The following RIMBP2 variants were observed in gnomAD, a reference collection of about 807,000 sequenced individuals.
RIMBP2 encodes RIMS-binding protein 2.
A neutral mutation model predicts 118.6 loss-of-function variants in RIMBP2; 48 were observed. The ratio of observed to expected loss-of-function variants is 0.40; its 90% confidence interval spans 0.32 to 0.51. The LOEUF (loss-of-function observed/expected upper bound fraction) is 0.51, where lower values mean the gene tolerates loss of function less well. RIMBP2 is among the 20% of genes least tolerant of loss of function. The probability of loss-of-function intolerance (pLI) is 0.41; values close to 1 mark genes in which losing one functional copy is unlikely to be tolerated. For synonymous variants in RIMBP2, 762 were observed against 742.9 expected (o/e 1.03, Z -0.42); for missense variants, 1,551 against 1,768.3 (o/e 0.88, Z 2.20).
At chr12:130,607,095 G>A (rs1201169792) in intron 2 of RIMBP2, among the ~76,000 whole-genome samples, 1 of 152,134 alleles carries the variant, frequency 6.6e-6, no homozygotes, top group African/African-American at 2.4e-5. Context: ...CTCCCAAAGT[G>A]CTGGGATTAC....
At chr12:130,679,446 T>C (rs1255371160) in intron 1 of RIMBP2, among the ~76,000 whole-genome samples, 1 of 152,240 alleles carries the variant, frequency 6.6e-6, no homozygotes, top group East Asian at 1.9e-4. Flanking sequence ...AATCGCCTTT[T>C]TAAACATCCA....
chr12:130,607,141 C>A (rs1382674673), intron 2 of RIMBP2, among the ~76,000 whole-genome samples: 1 of 152,126 alleles, frequency 6.6e-6, no homozygotes, highest in Admixed American at 6.5e-5. Flanking sequence ...AGTTCAAATT[C>A]TTTAAACACA....
At chr12:130,676,168 C>T (rs549081928) in intron 1 of RIMBP2, among the ~76,000 whole-genome samples, 1 of 152,194 alleles carries the variant, frequency 6.6e-6, no homozygotes, top group African/African-American at 2.4e-5. Context: ...TATCAGCCAC[C>T]CCGTTGATGG....
At chr12:130,473,390 C>A (rs181733511) in intron 5 of RIMBP2, among the ~76,000 whole-genome samples, 188 of 152,326 alleles carry the variant, frequency 1.2e-3, no homozygotes, top group African/African-American at 4.3e-3. Context: ...AGGATCTGCT[C>A]TCCGGGAGGT....
At chr12:130,686,114 G>A (rs1001321524) in intron 1 of RIMBP2, among the ~76,000 whole-genome samples, 1 of 152,270 alleles carries the variant, frequency 6.6e-6, no homozygotes, top group African/African-American at 2.4e-5. Flanking sequence ...CCTTTAAAGG[G>A]AAAACCCAGG....
intron 12 of RIMBP2, 30 bp downstream of exon 12, chr12:130,438,335 A>ACCGGGGGGGGGCCCCCCCCCCCC: frequency 1.2e-6 from 1 of 865,014 alleles, no homozygotes; most frequent in Non-Finnish European, 1.9e-6. Context: ...GGCCTAACAA[A>ACCGGGGGGGGGCCCCCCCCCCCC]CCCTCCCCAC....
intron 1 of RIMBP2, among the ~76,000 whole-genome samples, chr12:130,663,690 C>T (rs192138633): frequency 3.0e-4 from 45 of 151,848 alleles, no homozygotes; most frequent in Non-Finnish European, 5.4e-4. Flanking sequence ...TGTCCCCAGA[C>T]GCCTCTGAGT....
At chr12:130,483,294 ACG>A (rs2082186280) in intron 4 of RIMBP2, among the ~76,000 whole-genome samples, 16 of 152,124 alleles carry the variant, frequency 1.1e-4, no homozygotes, top group Non-Finnish European at 1.5e-5. Flanking sequence ...TCATCCAAAT[ACG>A]CCGATTGTGT....
intron 2 of RIMBP2, among the ~76,000 whole-genome samples, chr12:130,584,132 T>A (rs73456742): frequency 0.2 from 28,576 of 140,732 alleles, 2,944 homozygotes; most frequent in East Asian, 0.39. Context: ...ACATATGATG[T>A]AACCACATAT....
chr12:130,615,207 CATATT>C (rs767130912), intron 2 of RIMBP2, among the ~76,000 whole-genome samples: 147 of 137,760 alleles, frequency 1.1e-3, no homozygotes, highest in East Asian at 7.3e-3. Context: ...ACATATACAT[CATATT>C]ATATATTATA....
intron 2 of RIMBP2, among the ~76,000 whole-genome samples, chr12:130,564,659 G>A (rs1294107019): frequency 3.3e-5 from 5 of 152,212 alleles, no homozygotes; most frequent in Non-Finnish European, 7.3e-5. Flanking sequence ...GTTGCAGAAG[G>A]ACAAATACTG....
At chr12:130,519,502 A>G (rs1393144355) in intron 2 of RIMBP2, among the ~76,000 whole-genome samples, 5 of 152,258 alleles carry the variant, frequency 3.3e-5, no homozygotes, top group Admixed American at 6.5e-5. Context: ...TCTGGATGGC[A>G]TAACATTTAT....
At chr12:130,436,634 G>A (rs555569945) in intron 13 of RIMBP2, among the ~76,000 whole-genome samples, 212 of 152,296 alleles carry the variant, frequency 1.4e-3, no homozygotes, top group African/African-American at 4.9e-3. Context: ...TAGTTATGTG[G>A]CTACATATTA....
At chr12:130,608,639 G>A (rs1442122127) in intron 2 of RIMBP2, among the ~76,000 whole-genome samples, 1 of 152,178 alleles carries the variant, frequency 6.6e-6, no homozygotes, top group African/African-American at 2.4e-5. Flanking sequence ...CAGGCCCTGT[G>A]GGGACAGAGC....
intron 1 of RIMBP2, among the ~76,000 whole-genome samples, chr12:130,695,564 G>A (rs1001887953): frequency 6.6e-6 from 1 of 152,180 alleles, no homozygotes; most frequent in Non-Finnish European, 1.5e-5. Context: ...AGGGAGGGTG[G>A]TACATGGTGA....
intron 1 of RIMBP2, chr12:130,633,724 A>G (rs959914877): frequency 1.3e-5 from 2 of 152,124 alleles, no homozygotes; most frequent in East Asian, 1.9e-4. Context: ...GCCTAGAAAG[A>G]GATTGATTTC....
chr12:130,646,442 G>GCCACCTCCCTCA lies in RIMBP2; in HGVS notation c.-351-17987_-351-17986insTGAGGGAGGTGG, dbSNP rs2062973778. ...CACCACTTCCCTCTCCACCTCCCTT[G>GCCACCTCCCTCA]CCACCTCCCTCGCCACCTCCCTCGC... On this transcript the variant is annotated intron_variant, in intron 1 of 22. Transcript: ENST00000690449. 3.0e-3 allele frequency among the ~76,000 whole-genome samples: 14 copies of GCCACCTCCCTCA among 4,630 alleles called. 6 individuals carry two copies. Among genetic ancestry groups the GCCACCTCCCTCA allele is most frequent in the East Asian group, 0.023 (2 of 88 alleles). 3.0% of individuals were successfully genotyped at this position (4,630 alleles called of 152,430 possible). A position where few individuals can be genotyped will look rare whatever the true frequency, so the allele number is the denominator to read the frequency against.
intron 1 of RIMBP2, among the ~76,000 whole-genome samples, chr12:130,677,106 G>C (rs1046507425): frequency 6.6e-6 from 1 of 152,142 alleles, no homozygotes; most frequent in African/African-American, 2.4e-5. Flanking sequence ...GTGATGCCTG[G>C]AGACATTTTT....
At chr12:130,458,269 C>T (rs2079631080) in intron 6 of RIMBP2, among the ~76,000 whole-genome samples, 1 of 152,096 alleles carries the variant, frequency 6.6e-6, no homozygotes, top group Non-Finnish European at 1.5e-5. Context: ...CAGTATTCTT[C>T]TTTAAAAAGC....
Sources: allele counts gnomAD v4.1 joint callset (sites outside exome capture counted in the v4.1 genomes callset), GRCh38; gene constraint gnomAD v4.1.1; transcripts MANE v1.5; gene names NCBI Gene and HGNC (gene_info 2026-07-23, HGNC 2026-07-21).